Variants in RPL39 observed in about 807,000 individuals in gnomAD.
RPL39 encodes the protein large ribosomal subunit protein eL39.
For synonymous variants in RPL39, 8 were observed against 11.4 expected, an observed-to-expected ratio of 0.70 and a Z score of 0.60; for missense variants, 6 against 37.2, an observed-to-expected ratio of 0.16 and a Z score of 2.18.
intron 2 of RPL39, among the ~76,000 whole-genome samples, chrX:119,788,814 A>G (rs2055682609): frequency 8.9e-6 from 1 of 112,170 alleles, no homozygotes; most frequent in Non-Finnish European, 1.9e-5. Context: ...GCCATGCAGG[A>G]GACTGTTTCA....
At chrX:119,789,856 C>A in intron 2 of RPL39, 52 bp downstream of exon 2, 1 of 674,061 alleles carries the variant, frequency 1.5e-6, no homozygotes, top group Non-Finnish European at 2.4e-6. Flanking sequence ...CCTGGCCAGA[C>A]ACAGTGGCTC....
At chrX:119,789,540 G>A (rs759549234) in intron 2 of RPL39, among the ~76,000 whole-genome samples, 3 of 111,382 alleles carry the variant, frequency 2.7e-5, no homozygotes, top group Non-Finnish European at 5.6e-5. Context: ...CCGGGTAACA[G>A]AGCGAGACTC....
chrX:119,786,748 T>C lies in RPL39; in HGVS notation c.108-16A>G. 11 of 1,192,351 alleles carry C rather than the reference T, an allele frequency of 9.2e-6. No homozygotes were observed. Among genetic ancestry groups the C allele is most frequent in the Admixed American group, 4.4e-5 (2 of 45,435 alleles). On this transcript the variant is annotated splice_polypyrimidine_tract_variant and intron_variant, in intron 2 of 2. Coordinates refer to ENST00000361575, the MANE Select transcript of RPL39 (RefSeq NM_001000.4). The stretch of plus-strand genomic sequence containing the variant: ...GGAGTTGTACCTACACAGAAAAAAA[T>C]GTCAAGTTACAAAGGCAGTCTGACA...
At chrX:119,787,670 T>G (rs1208622523) in intron 2 of RPL39, among the ~76,000 whole-genome samples, 2 of 111,231 alleles carry the variant, frequency 1.8e-5, no homozygotes, top group Non-Finnish European at 3.8e-5. Context: ...TTTCTTTTTT[T>G]GAGACAGGGT....
chrX:119,790,339 C>T (rs1282352551), intron 1 of RPL39: 3 of 152,702 alleles, frequency 2.0e-5, no homozygotes, highest in Non-Finnish European at 3.8e-5. Flanking sequence ...ACCCTGTGGT[C>T]CCCCAAGGAC....
intron 1 of RPL39, 28 bp from the exon 2 acceptor site, chrX:119,790,039 C>T (rs1428949655): frequency 7.9e-6 from 7 of 882,722 alleles, no homozygotes; most frequent in Non-Finnish European, 1.2e-5. Context: ...TCAATTTAGA[C>T]AATATTAGAG....
At position 119,786,562 on chromosome X, in the gene RPL39, C is replaced by A; in HGVS notation, c.*122G>T. On this transcript the variant is annotated 3_prime_UTR_variant, in exon 3 of 3. Coordinates refer to ENST00000361575, the MANE Select transcript of RPL39 (RefSeq NM_001000.4). ...ATCCAGCCAACCAACGTGTTCATAA[C>A]AGATTCAGAGAGGAAAACACGTCGA... The A allele has an allele frequency of 1.8e-6, 1 of 547,115 alleles. No individual in the cohort carries two copies. Among genetic ancestry groups the A allele is most frequent in the Non-Finnish European group, 3.1e-6 (1 of 326,224 alleles). The allele number at this position is 547,115 out of a possible 1,213,427, so 45.1% of individuals were successfully genotyped here.
chrX:119,791,613 G>T lies in RPL39; in HGVS notation c.-37C>A. On this transcript the variant is annotated 5_prime_UTR_variant, in exon 1 of 3. Transcript: ENST00000361575. The stretch of plus-strand genomic sequence containing the variant: ...GAGTCAAGAACACACCACGATGGCG[G>T]AGAAAGGAAGAGGAGGGAAGCTGGC... 3.5e-6 allele frequency: 4 copies of T among 1,155,351 alleles called. No individual in the cohort carries two copies. The highest frequency in any genetic ancestry group is 3.5e-6 in the Non-Finnish European group (3 of 865,141).
At chrX:119,788,532 A>C in intron 2 of RPL39, among the ~76,000 whole-genome samples, 1 of 75,206 alleles carries the variant, frequency 1.3e-5, no homozygotes, top group African/African-American at 8.2e-5. Context: ...ACTCCATCTC[A>C]AAAAAAAAAA....
At chrX:119,789,260 A>G (rs1199437141) in intron 2 of RPL39, among the ~76,000 whole-genome samples, 1 of 111,883 alleles carries the variant, frequency 8.9e-6, no homozygotes, top group Admixed American at 9.5e-5. Flanking sequence ...TCCTGTCTCA[A>G]AAAACAAAAA....
chrX:119,786,640 C>A lies in RPL39; in HGVS notation c.*44G>T. 2.0e-6 allele frequency: 2 copies of A among 1,010,077 alleles called. No homozygotes were observed. Among genetic ancestry groups the A allele is most frequent in the Non-Finnish European group, 2.8e-6 (2 of 719,619 alleles). The allele number at this position is 1,010,077 out of a possible 1,213,427, so 83.2% of individuals were successfully genotyped here. A position where few individuals can be genotyped will look rare whatever the true frequency, so the allele number is the denominator to read the frequency against. On this transcript the variant is annotated 3_prime_UTR_variant, in exon 3 of 3. Transcript: ENST00000361575. ...GCTTGATATGGTAACATGATCGTGA[C>A]CTTCAGACAGCATAAATATGTGTGC...
At position 119,791,368 on chromosome X, in the gene RPL39, G is replaced by A. The variant is rs1236873105; in HGVS notation, c.3+206C>T. The stretch of plus-strand genomic sequence containing the variant: ...GCCCCCTTGAATCCGCGGCCGCAGC[G>A]CAGCCCGTCCCTCTCCAGGTTGCTC... On this transcript the variant is annotated intron_variant, in intron 1 of 2. Coordinates refer to ENST00000361575, the MANE Select transcript of RPL39 (RefSeq NM_001000.4). 13 of 316,125 alleles carry A rather than the reference G, an allele frequency of 4.1e-5. No individual in the cohort carries two copies. The East Asian group carries it at 5.8e-4, about 14-fold the overall frequency. The allele number at this position is 316,125 out of a possible 1,213,427, so 26.1% of individuals were successfully genotyped here. A position where few individuals can be genotyped will look rare whatever the true frequency, so the allele number is the denominator to read the frequency against.
At position 119,789,228 on chromosome X, in the gene RPL39, CAGCATGT is replaced by C. The variant is rs759695984; in HGVS notation, c.107+673_107+679del. ...AGGTTGCAGGGAGATAGTGTCAACGCAGCATGTAAAACAGAACAAGATCCTGTCTCAA... is the reference window on the plus strand; with the variant it reads ...AGGTTGCAGGGAGATAGTGTCAACGCAAAACAGAACAAGATCCTGTCTCAA... On this transcript the variant is annotated intron_variant, in intron 2 of 2. Transcript: ENST00000361575. 5.3e-3 allele frequency among the ~76,000 whole-genome samples: 588 copies of C among 111,340 alleles called. 3 individuals are homozygous for C. The highest frequency in any genetic ancestry group is 9.1e-3 in the Non-Finnish European group (483 of 53,011).
chrX:119,787,156 TTTGTATTTTTAG>T, intron 2 of RPL39: 5 of 255,167 alleles, frequency 2.0e-5, no homozygotes, highest in Non-Finnish European at 3.7e-5. Context: ...TTTTTGTATT[TTTGTATTTTTAG>T]TAGAGGCAGG....
chrX:119,789,279 G>A (rs748486478), intron 2 of RPL39, among the ~76,000 whole-genome samples: 10 of 111,339 alleles, frequency 9.0e-5, no homozygotes, highest in African/African-American at 2.6e-4. Flanking sequence ...AACAAAGGCC[G>A]GGCACAATGG....
intron 2 of RPL39, 140 bp from the exon 3 acceptor site, chrX:119,786,872 G>C (rs1486427931): frequency 2.1e-5 from 10 of 473,227 alleles, no homozygotes; most frequent in Non-Finnish European, 3.7e-5. Context: ...TCTTTCTGGA[G>C]AGTAAAAAAA....
At chrX:119,788,982 G>C (rs2055683672) in intron 2 of RPL39, among the ~76,000 whole-genome samples, 1 of 112,168 alleles carries the variant, frequency 8.9e-6, no homozygotes, top group African/African-American at 3.2e-5. Context: ...CTAAAAGACT[G>C]GGCTAGGTGT....
Position 119,786,692 on chromosome X carries a change from C to T in RPL39, c.148G>A (p.Gly50Ser). The T allele has an allele frequency of 8.3e-7, 1 of 1,199,855 alleles. No homozygotes were observed. The change falls in exon 3 of 3, where the codon GGT becomes AGT. Residue 50 changes from glycine to serine, a missense_variant. Transcript: ENST00000361575. Reference protein sequence around the residue: ...KRRHWRRTKLGL With the variant: ...KRRHWRRTKLSL ...ATCTCATGTGCAATTCCTTATAGAC[C>T]CAGCTTGGTTCTTCTCCAATGTCTC... is the stretch of plus-strand genomic sequence containing the variant.
In RPL39 at chrX:119,791,603, C is replaced by A. The variant is rs376686194; in HGVS notation, c.-27G>T. ...GCGAGCAGCGGAGTCAAGAACACAC[C>A]ACGATGGCGGAGAAAGGAAGAGGAG... On this transcript the variant is annotated 5_prime_UTR_variant, in exon 1 of 3. Coordinates refer to ENST00000361575, the MANE Select transcript of RPL39 (RefSeq NM_001000.4). 1,406 of 1,168,709 alleles carry A rather than the reference C, an allele frequency of 1.2e-3. 2 individuals are homozygous for A. The highest frequency in any genetic ancestry group is 1.5e-3 in the Non-Finnish European group (1,324 of 873,439).
Sources: allele counts gnomAD v4.1 joint callset (sites outside exome capture counted in the v4.1 genomes callset), GRCh38; gene constraint gnomAD v4.1.1; transcripts MANE v1.5; gene names NCBI Gene and HGNC (gene_info 2026-07-23, HGNC 2026-07-21).